TENM3: variants seen among roughly 807,000 people sequenced by gnomAD.
The protein encoded by TENM3 is teneurin-3.
In TENM3, 63 loss-of-function variants were observed where a neutral mutation model predicts 255.1. The ratio of observed to expected loss-of-function variants is 0.25; its 90% CI spans 0.20 to 0.30. The LOEUF is 0.30. Among genes scored for constraint, TENM3 ranks in the 10% least tolerant of loss-of-function variants. TENM3 has a pLI of 1.00. For synonymous variants in TENM3, 1,306 were observed against 1,322.3 expected (o/e 0.99, Z 0.27); for missense variants, 2,929 against 3,461.1 (o/e 0.85, Z 3.86).
At chr4:182,409,285 G>C (rs1426724572) in intron 3 of TENM3, among the ~76,000 whole-genome samples, 1 of 152,208 alleles carries the variant, frequency 6.6e-6, no homozygotes, top group Non-Finnish European at 1.5e-5. Flanking sequence ...TCTCTCAGAA[G>C]ATACGCAGGG....
chr4:182,677,757 A>G (rs1438158756), intron 7 of TENM3, among the ~76,000 whole-genome samples: 4 of 152,190 alleles, frequency 2.6e-5, no homozygotes, highest in African/African-American at 9.7e-5. Context: ...ACACAAAAGA[A>G]CAAAAAAAGG....
the TENM3 span, among the ~76,000 whole-genome samples, chr4:181,612,735 C>T: frequency 1.3e-5 from 2 of 152,108 alleles, no homozygotes; most frequent in Non-Finnish European, 2.9e-5. Context: ...TGTCTAAAGG[C>T]TTAACATACT....
At chr4:182,590,171 G>GA (rs1233060414) in intron 3 of TENM3, among the ~76,000 whole-genome samples, 1 of 152,082 alleles carries the variant, frequency 6.6e-6, no homozygotes, top group East Asian at 1.9e-4. Context: ...TTCCTATCAG[G>GA]AAAAAACAAG....
intron 3 of TENM3, among the ~76,000 whole-genome samples, chr4:182,430,750 C>T (rs1000052804): frequency 2.0e-5 from 3 of 151,434 alleles, no homozygotes; most frequent in South Asian, 2.1e-4. Flanking sequence ...TGGTGGCTCA[C>T]GCCTGTAATC....
At chr4:181,891,496 CT>C in the TENM3 span, among the ~76,000 whole-genome samples, 1 of 152,114 alleles carries the variant, frequency 6.6e-6, no homozygotes, top group Non-Finnish European at 1.5e-5. Flanking sequence ...ATCCTAATAC[CT>C]TTCTTATTTT....
the TENM3 span, among the ~76,000 whole-genome samples, chr4:181,808,739 G>A: frequency 1.1e-3 from 167 of 152,294 alleles, 2 homozygotes; most frequent in Admixed American, 3.7e-3. Flanking sequence ...GAAAACACAC[G>A]TGGGTTGGCT....
chr4:182,296,771 A>C (rs902334345), intron 1 of TENM3, among the ~76,000 whole-genome samples: 1 of 151,798 alleles, frequency 6.6e-6, no homozygotes, highest in South Asian at 2.1e-4. Flanking sequence ...AAAGAGCTCA[A>C]TTTTTTTTTC....
At chr4:182,206,350 T>C (rs80165982) in intron 1 of TENM3, among the ~76,000 whole-genome samples, 9,372 of 152,214 alleles carry the variant, frequency 0.062, 397 homozygotes, top group Non-Finnish European at 0.092. Flanking sequence ...CTTAAAATGG[T>C]AAGTGCCATT....
chr4:182,285,513 G>T (rs1277856319), intron 1 of TENM3, among the ~76,000 whole-genome samples: 1 of 152,140 alleles, frequency 6.6e-6, no homozygotes, highest in Non-Finnish European at 1.5e-5. Context: ...AGCTATCTGG[G>T]TAGACGAAAC....
At chr4:181,814,087 C>T in the TENM3 span, among the ~76,000 whole-genome samples, 2 of 152,112 alleles carry the variant, frequency 1.3e-5, no homozygotes, top group African/African-American at 4.8e-5. Context: ...GAACTCATCC[C>T]ATTAAAGGCT....
the TENM3 span, among the ~76,000 whole-genome samples, chr4:181,841,349 G>A: frequency 6.6e-6 from 1 of 151,934 alleles, no homozygotes; most frequent in Non-Finnish European, 1.5e-5. Flanking sequence ...GTGTACTAAG[G>A]ATCAATTGCA....
In TENM3 at chr4:182,793,317, A is replaced by T. The variant is rs1561263020; in HGVS notation, c.6645A>T (p.Arg2215=). 2 of 1,613,792 alleles carry T rather than the reference A, an allele frequency of 1.2e-6. No individual in the cohort carries two copies. Among genetic ancestry groups the T allele is most frequent in the Admixed American group, 1.7e-5 (1 of 60,006 alleles). ...FEYSSKGLLT[R]VYSKGSGWTV... ...ATAGCTCCAAGGGGCTTCTAACTCG[A>T]GTTTACAGTAAAGGCAGTGGCTGGA... The change falls in exon 26 of 28, where the codon CGA becomes CGT. Residue 2215 remains arginine, a synonymous_variant. Coordinates refer to ENST00000511685, the MANE Select transcript of TENM3 (RefSeq NM_001080477.4). The surrounding 1 kb of genome is among the most constrained non-coding windows in gnomAD (Gnocchi z 5.7).
the TENM3 span, among the ~76,000 whole-genome samples, chr4:181,939,563 G>A: frequency 6.6e-6 from 1 of 152,194 alleles, no homozygotes; most frequent in Non-Finnish European, 1.5e-5. Context: ...TGCCCTAAAA[G>A]CAAAACAAAA....
chr4:182,009,399 G>A, the TENM3 span, among the ~76,000 whole-genome samples: 26 of 151,904 alleles, frequency 1.7e-4, no homozygotes, highest in East Asian at 9.8e-4. Context: ...TGGGACATCC[G>A]AATTCTGTCC....
intron 3 of TENM3, among the ~76,000 whole-genome samples, chr4:182,436,413 C>T (rs1033899743): frequency 1.3e-5 from 2 of 152,130 alleles, no homozygotes; most frequent in African/African-American, 4.8e-5. Context: ...CAGTAAGCTT[C>T]GAGTTCCTTT....
chr4:182,309,842 G>C (rs184329989), intron 1 of TENM3, among the ~76,000 whole-genome samples: 95 of 152,248 alleles, frequency 6.2e-4, no homozygotes, highest in African/African-American at 2.3e-3. Context: ...CTCGGACACC[G>C]GGCAATGTAC....
chr4:181,593,689 T>G, the TENM3 span, among the ~76,000 whole-genome samples: 1 of 152,242 alleles, frequency 6.6e-6, no homozygotes, highest in Non-Finnish European at 1.5e-5. Flanking sequence ...TAATTTTGTT[T>G]CATTTTGAAT....
At chr4:181,699,568 T>G in the TENM3 span, among the ~76,000 whole-genome samples, 7 of 151,856 alleles carry the variant, frequency 4.6e-5, no homozygotes, top group Non-Finnish European at 1.5e-5. Flanking sequence ...TTTTTCACAT[T>G]TGAGATACAT....
chr4:182,557,416 T>G (rs529399534), intron 3 of TENM3, among the ~76,000 whole-genome samples: 1 of 152,330 alleles, frequency 6.6e-6, no homozygotes, highest in African/African-American at 2.4e-5. Flanking sequence ...ATTTTTCACA[T>G]TTTGTTCAAA....
Sources: allele counts gnomAD v4.1 joint callset (sites outside exome capture counted in the v4.1 genomes callset), GRCh38; gene constraint gnomAD v4.1.1; non-coding constraint Gnocchi (gnomAD v3.1); transcripts MANE v1.5; gene names NCBI Gene and HGNC (gene_info 2026-07-23, HGNC 2026-07-21).